Variants in ZNF484 observed in about 807,000 individuals in gnomAD.
The protein encoded by ZNF484 is KRAB box containing C2H2 type zinc finger bA526D8.4.
In ZNF484, 11 loss-of-function variants were observed where a neutral mutation model predicts 12.9. The ratio of observed to expected loss-of-function variants is 0.85; its 90% CI spans 0.54 to 1.41. The LOEUF is 1.41. Ranked by LOEUF, ZNF484 falls within the 40% of genes most tolerant of loss-of-function variation. The probability of loss-of-function intolerance (pLI) is 0.00; values close to 1 mark genes in which losing one functional copy is unlikely to be tolerated. For synonymous variants in ZNF484, 289 were observed against 334.1 expected (o/e 0.86, Z 1.47); for missense variants, 807 against 1,007.7 (o/e 0.80, Z 2.70).
rs137985065 is a variant in ZNF484 at position 92,863,489 on chromosome 9, G to A, written c.16-7171C>T. 5.2e-3 allele frequency among the ~76,000 whole-genome samples: 799 copies of A among 152,282 alleles called. 6 individuals are homozygous for A. The highest frequency in any genetic ancestry group is 0.017 in the Middle Eastern group (5 of 294). Reference sequence around the variant, plus strand: ...TACATTTGAATGAGCAAGAGTGGAAGTCTAGGCAATATTTCATGTGAAAGA... The same window carrying A: ...TACATTTGAATGAGCAAGAGTGGAAATCTAGGCAATATTTCATGTGAAAGA... On this transcript the variant is annotated intron_variant, in intron 2 of 4. Transcript: ENST00000375495.
intron 2 of ZNF484, among the ~76,000 whole-genome samples, chr9:92,867,631 T>A (rs958775032): frequency 5.3e-5 from 8 of 152,018 alleles, no homozygotes; most frequent in South Asian, 2.1e-4. Flanking sequence ...AGTAAAATTT[T>A]AAAAAAAGAA....
At chr9:92,874,458 C>A (rs1422578267) in intron 2 of ZNF484, among the ~76,000 whole-genome samples, 2 of 151,954 alleles carry the variant, frequency 1.3e-5, no homozygotes, top group East Asian at 1.9e-4. Flanking sequence ...ATTACAGGCG[C>A]CCGCCACCAC....
rs1855473968 is a variant in ZNF484 at position 92,844,374 on chromosome 9, T to G, written c.*1854A>C. On this transcript the variant is annotated 3_prime_UTR_variant, in exon 5 of 5. Transcript: ENST00000375495. ...ATGCATAATTTGAATAGATAATAGCTAGGAATTTCCCCAAATGCACATGTG... is the reference window on the plus strand; with the variant it reads ...ATGCATAATTTGAATAGATAATAGCGAGGAATTTCCCCAAATGCACATGTG... Among the ~76,000 whole-genome samples the G allele has an allele frequency of 6.6e-6, 1 of 152,036 alleles. No individual in the cohort carries two copies. The highest frequency in any genetic ancestry group is 2.4e-5 in the African/African-American group (1 of 41,404).
chr9:92,870,466 G>A (rs577513893), intron 2 of ZNF484, among the ~76,000 whole-genome samples: 1 of 152,320 alleles, frequency 6.6e-6, no homozygotes, highest in South Asian at 2.1e-4. Context: ...CTAGACTCCT[G>A]TATTTGCCTG....
At chr9:92,856,695 C>A (rs564182470) in intron 2 of ZNF484, among the ~76,000 whole-genome samples, 32 of 152,254 alleles carry the variant, frequency 2.1e-4, no homozygotes, top group African/African-American at 7.2e-4. Flanking sequence ...GGCTGTACAA[C>A]TGAGTGAATA....
chr9:92,876,591 AGT>A (rs1392399233), intron 1 of ZNF484, among the ~76,000 whole-genome samples: 1 of 152,188 alleles, frequency 6.6e-6, no homozygotes, highest in Non-Finnish European at 1.5e-5. Context: ...GATGTTAAAA[AGT>A]GTTTTTCTTG....
Position 92,855,806 on chromosome 9 carries a change from C to T in ZNF484, c.235+5G>A. 6.2e-7 allele frequency: 1 copy of T among 1,613,796 alleles called. No individual in the cohort carries two copies. The highest frequency in any genetic ancestry group is 8.5e-7 in the Non-Finnish European group (1 of 1,179,798). ...TGTCTACCATGCTCTTGGTTCCCTT[C>T]TCACCTGGACGGCTCTGACTGGGGA... On this transcript the variant is annotated splice_donor_5th_base_variant and intron_variant, in intron 4 of 4. Coordinates refer to ENST00000375495, the MANE Select transcript of ZNF484 (RefSeq NM_031486.4).
At chr9:92,856,375 CAA>C (rs56233957) in intron 2 of ZNF484, 57 bp from the exon 3 acceptor site, 554 of 1,146,994 alleles carry the variant, frequency 4.8e-4, no homozygotes, top group Admixed American at 1.2e-3. Context: ...TATTTGAATT[CAA>C]AAAAAAAAAC....
At chr9:92,875,502 C>A (rs1487393466) in intron 1 of ZNF484, among the ~76,000 whole-genome samples, 3 of 151,978 alleles carry the variant, frequency 2.0e-5, no homozygotes, top group African/African-American at 7.3e-5. Context: ...GATTTCCATG[C>A]CTTGCTGCCC....
intron 2 of ZNF484, among the ~76,000 whole-genome samples, chr9:92,870,876 C>T (rs923421390): frequency 6.6e-6 from 1 of 152,202 alleles, no homozygotes; most frequent in Non-Finnish European, 1.5e-5. Flanking sequence ...TCCCCACAGA[C>T]TGTCAACAGA....
chr9:92,852,842 A>G (rs1158641693), intron 4 of ZNF484, among the ~76,000 whole-genome samples: 1 of 152,190 alleles, frequency 6.6e-6, no homozygotes, highest in Non-Finnish European at 1.5e-5. Context: ...CAGCCAAAAT[A>G]TGTGTATTAT....
intron 2 of ZNF484, among the ~76,000 whole-genome samples, chr9:92,862,895 A>G (rs1204343584): frequency 6.6e-6 from 1 of 152,150 alleles, no homozygotes; most frequent in Non-Finnish European, 1.5e-5. Context: ...ATACCATTTG[A>G]CCCAGCAATC....
rs759625563 is a variant in ZNF484 at position 92,848,596 on chromosome 9, C to G, written c.236-45G>C. On this transcript the variant is annotated intron_variant, in intron 4 of 4. Coordinates refer to ENST00000375495, the MANE Select transcript of ZNF484 (RefSeq NM_031486.4). The surrounding 1 kb of genome is among the most constrained non-coding windows in gnomAD (Gnocchi z 4.1). The stretch of plus-strand genomic sequence containing the variant: ...TAAGACTGACAAAAAGAACAATTAA[C>G]AGAAAATAAGGCCAGGTGCGGTGGC... The G allele has an allele frequency of 2.7e-5, 41 of 1,508,832 alleles. No individual in the cohort carries two copies. The highest frequency in any genetic ancestry group is 3.6e-5 in the Non-Finnish European group (41 of 1,140,258). The allele number at this position is 1,508,832 out of a possible 1,614,324, so 93.5% of individuals were successfully genotyped here.
chr9:92,847,140 C>T lies in ZNF484; in HGVS notation c.1647G>A (p.Glu549=), dbSNP rs1236463410. 3 of 1,613,884 alleles carry T rather than the reference C, an allele frequency of 1.9e-6. No homozygotes were observed. The highest frequency in any genetic ancestry group is 2.5e-6 in the Non-Finnish European group (3 of 1,179,992). The change falls in exon 5 of 5, where the codon GAG becomes GAA. Residue 549 remains glutamate, a synonymous_variant. Transcript: ENST00000375495. ...CACATTCACTGCATTCATAATGTCT[C>T]TCTCCAGTATGACACTTCTGATGTA... is the stretch of plus-strand genomic sequence containing the variant. The part of the protein sequence containing the change: ...LRIHQKCHTG[E]RHYECSECGK...
chr9:92,872,185 C>T (rs1857473533), intron 2 of ZNF484, among the ~76,000 whole-genome samples: 1 of 144,624 alleles, frequency 6.9e-6, no homozygotes, highest in South Asian at 2.2e-4. Flanking sequence ...GAGCCAAGAT[C>T]GCGCCATTGC....
chr9:92,869,941 A>G (rs185723848), intron 2 of ZNF484, among the ~76,000 whole-genome samples: 12 of 152,234 alleles, frequency 7.9e-5, no homozygotes, highest in African/African-American at 2.9e-4. Context: ...GTTCAAATGC[A>G]AAGGACAAAG....
chr9:92,846,090 A>G lies in ZNF484; in HGVS notation c.*138T>C. ...CCAATCATCTCCTTGCACATTTACTATTATTTGCAGGAGCTTGACAACACC... is the reference window on the plus strand; with the variant it reads ...CCAATCATCTCCTTGCACATTTACTGTTATTTGCAGGAGCTTGACAACACC... On this transcript the variant is annotated 3_prime_UTR_variant, in exon 5 of 5. Coordinates refer to ENST00000375495, the MANE Select transcript of ZNF484 (RefSeq NM_031486.4). 1.2e-6 allele frequency: 1 copy of G among 818,694 alleles called. No homozygotes were observed. Among genetic ancestry groups the G allele is most frequent in the Admixed American group, 2.8e-5 (1 of 35,310 alleles). The allele number at this position is 818,694 out of a possible 1,614,324, so 50.7% of individuals were successfully genotyped here. A position where few individuals can be genotyped will look rare whatever the true frequency, so the allele number is the denominator to read the frequency against.
At chr9:92,867,306 G>A (rs1002682913) in intron 2 of ZNF484, among the ~76,000 whole-genome samples, 13 of 151,968 alleles carry the variant, frequency 8.6e-5, no homozygotes, top group Non-Finnish European at 8.8e-5. Context: ...GTGAAACCCC[G>A]TCTCTACTAA....
rs565565920 is a variant in ZNF484, at chr9:92,846,955, C to G, written c.1832G>C (p.Ser611Thr). 7.4e-6 allele frequency: 12 copies of G among 1,613,992 alleles called. No individual in the cohort carries two copies. Among genetic ancestry groups the G allele is most frequent in the Non-Finnish European group, 1.0e-5 (12 of 1,179,990 alleles). Residue 611 changes from serine to threonine, a missense_variant, in exon 5 of 5, where the codon AGT becomes ACT. Transcript: ENST00000375495. ...CTTAGTGAAGGATTTCCCACAAATA[C>G]TGCATTCATAGGGTTTCTCTCCAGT... ...IHTGEKPYEC[S>T]ICGKSFTKKS...
Sources: allele counts gnomAD v4.1 joint callset (sites outside exome capture counted in the v4.1 genomes callset), GRCh38; gene constraint gnomAD v4.1.1; non-coding constraint Gnocchi (gnomAD v3.1); transcripts MANE v1.5; gene names NCBI Gene and HGNC (gene_info 2026-07-23, HGNC 2026-07-21).